The following RUNDC3B variants were observed in gnomAD, a reference collection of about 807,000 sequenced individuals.
The protein encoded by RUNDC3B is RUN domain-containing protein 3B.
In RUNDC3B, 33 loss-of-function variants were observed where a neutral mutation model predicts 58.4. The ratio of observed to expected loss-of-function variants is 0.56; its 90% CI spans 0.43 to 0.75. The LOEUF (loss-of-function observed/expected upper bound fraction) is 0.75, where lower values mean the gene tolerates loss of function less well. RUNDC3B is among the 30% of genes least tolerant of loss of function. RUNDC3B has a pLI of 0.00. For synonymous variants in RUNDC3B, 193 were observed against 195.2 expected (o/e 0.99, Z 0.10); for missense variants, 501 against 535.7 (o/e 0.94, Z 0.64).
chr7:87,747,370 C>T (rs567977034), intron 6 of RUNDC3B, among the ~76,000 whole-genome samples: 28 of 151,990 alleles, frequency 1.8e-4, no homozygotes, highest in East Asian at 5.8e-4. Flanking sequence ...CCTGTTCTGG[C>T]GGAGGTAGCA....
At chr7:87,739,720 TA>T in intron 4 of RUNDC3B, 70 bp from the exon 5 acceptor site, 2 of 683,752 alleles carry the variant, frequency 2.9e-6, no homozygotes, top group Non-Finnish European at 2.5e-6. Context: ...GTTTGGGCTC[TA>T]AATGATTTCT....
chr7:87,754,540 C>T (rs781113286), intron 6 of RUNDC3B, among the ~76,000 whole-genome samples: 2 of 152,050 alleles, frequency 1.3e-5, no homozygotes, highest in Non-Finnish European at 2.9e-5. Flanking sequence ...ATTAAAGAAG[C>T]AAGAACAAAT....
intron 6 of RUNDC3B, among the ~76,000 whole-genome samples, chr7:87,756,911 A>G (rs1833405661): frequency 2.0e-5 from 3 of 152,238 alleles, no homozygotes; most frequent in Non-Finnish European, 1.5e-5. Flanking sequence ...TCTCACCTCC[A>G]ATCCCCAGAC....
At chr7:87,826,985 C>G (rs1022589213) in intron 10 of RUNDC3B, among the ~76,000 whole-genome samples, 2 of 152,072 alleles carry the variant, frequency 1.3e-5, no homozygotes, top group African/African-American at 4.8e-5. Flanking sequence ...AATATGTCAT[C>G]TAGAAAGAGA....
intron 4 of RUNDC3B, among the ~76,000 whole-genome samples, chr7:87,732,592 G>C (rs1481234249): frequency 6.6e-6 from 1 of 152,170 alleles, no homozygotes; most frequent in Non-Finnish European, 1.5e-5. Context: ...AGGCAGATCA[G>C]CAGATTGAGA....
At chr7:87,797,712 T>C (rs1835891049) in intron 8 of RUNDC3B, among the ~76,000 whole-genome samples, 1 of 152,222 alleles carries the variant, frequency 6.6e-6, no homozygotes, top group African/African-American at 2.4e-5. Context: ...TCAGTTCTTA[T>C]GGAATATTGT....
At chr7:87,711,306 A>G (rs1442445931) in intron 4 of RUNDC3B, among the ~76,000 whole-genome samples, 1 of 152,104 alleles carries the variant, frequency 6.6e-6, no homozygotes, top group Non-Finnish European at 1.5e-5. Context: ...AGCCTGAGCA[A>G]CAAGAGAGAA....
intron 4 of RUNDC3B, among the ~76,000 whole-genome samples, chr7:87,726,896 A>G (rs1182557943): frequency 1.3e-5 from 2 of 151,358 alleles, no homozygotes; most frequent in African/African-American, 2.4e-5. Context: ...TTTGTCTGTT[A>G]TTGGTGTATA....
chr7:87,772,455 T>C (rs1024263765), intron 7 of RUNDC3B, among the ~76,000 whole-genome samples: 2 of 152,172 alleles, frequency 1.3e-5, no homozygotes, highest in African/African-American at 2.4e-5. Flanking sequence ...AGAACATAGA[T>C]AATAGTTAAA....
At chr7:87,760,671 C>T (rs1833629600) in intron 6 of RUNDC3B, among the ~76,000 whole-genome samples, 1 of 151,900 alleles carries the variant, frequency 6.6e-6, no homozygotes, top group Non-Finnish European at 1.5e-5. Flanking sequence ...GGAAATAAAC[C>T]CATACATTTG....
intron 9 of RUNDC3B, among the ~76,000 whole-genome samples, chr7:87,813,541 G>T (rs1389598978): frequency 6.6e-6 from 1 of 151,990 alleles, no homozygotes; most frequent in East Asian, 1.9e-4. Flanking sequence ...TGAAAAATCA[G>T]TGTCAGAAAC....
At chr7:87,679,837 A>C (rs1196076346) in intron 2 of RUNDC3B, among the ~76,000 whole-genome samples, 3 of 150,834 alleles carry the variant, frequency 2.0e-5, no homozygotes, top group African/African-American at 7.4e-5. Context: ...AATCATATAA[A>C]GTATGTTCTC....
At position 87,676,009 on chromosome 7, in the gene RUNDC3B, G is replaced by A. The variant is rs181962617; in HGVS notation, c.239-24412G>A. 2.4e-3 allele frequency among the ~76,000 whole-genome samples: 361 copies of A among 152,252 alleles called. 2 individuals carry two copies. Among genetic ancestry groups the A allele is most frequent in the African/African-American group, 8.1e-3 (338 of 41,542 alleles). On this transcript the variant is annotated intron_variant, in intron 2 of 10. Transcript: ENST00000394654. ...ACACTGGAGGATTGCTTGAGGTCAG[G>A]AGTGCCAGGACTTTGAGATCTACCT... is the stretch of plus-strand genomic sequence containing the variant.
At chr7:87,742,951 A>C (rs1467581160) in intron 6 of RUNDC3B, among the ~76,000 whole-genome samples, 1 of 152,074 alleles carries the variant, frequency 6.6e-6, no homozygotes, top group Non-Finnish European at 1.5e-5. Context: ...GTCTCTACTA[A>C]AAATACAAAA....
chr7:87,710,579 TG>T lies in RUNDC3B; in HGVS notation c.384del (p.Trp128Ter). The T allele has an allele frequency of 6.3e-7, 1 of 1,579,290 alleles. No homozygotes were observed. The highest frequency in any genetic ancestry group is 1.2e-5 in the South Asian group (1 of 85,926). ...TTCTTCTTCCTTTTAGGGTAGAGCC[TG>T]GATCAGAGTAGCACTCATGGAAAAA... ...VSSSRAKGRA[W>X]IRVALMEKHL... On this transcript the variant is annotated frameshift_variant, in exon 4 of 11. Coordinates refer to ENST00000394654, the MANE Select transcript of RUNDC3B (RefSeq NM_001134405.2). LOFTEE classifies it high-confidence loss of function.
At chr7:87,785,859 C>T (rs1476935843) in intron 8 of RUNDC3B, among the ~76,000 whole-genome samples, 2 of 152,152 alleles carry the variant, frequency 1.3e-5, no homozygotes, top group African/African-American at 4.8e-5. Context: ...TGGGCAATTC[C>T]TTTGCCAACT....
At chr7:87,704,964 A>G (rs1248832689) in intron 3 of RUNDC3B, among the ~76,000 whole-genome samples, 1 of 152,240 alleles carries the variant, frequency 6.6e-6, no homozygotes, top group Admixed American at 6.5e-5. Context: ...GCCTTGACAC[A>G]TGTGAAAAGA....
intron 1 of RUNDC3B, among the ~76,000 whole-genome samples, chr7:87,638,388 C>A (rs1210796132): frequency 1.4e-5 from 2 of 141,780 alleles, no homozygotes; most frequent in Non-Finnish European, 3.0e-5. Flanking sequence ...TGTTTCCTCC[C>A]CTGTTCTGTA....
Position 87,703,885 on chromosome 7 carries a change from C to CTTTTTTTTTTTTTTTTTTTTTTTTTTT in RUNDC3B, c.372+3332_372+3358dup. On this transcript the variant is annotated intron_variant, in intron 3 of 10. Transcript: ENST00000394654. Reference sequence around the variant, plus strand: ...CTTAGGTGAGCTTTATCAGTTTTTTCTTTTTTTTTTTTTTTTTTTTTTTTT... The same window carrying CTTTTTTTTTTTTTTTTTTTTTTTTTTT: ...CTTAGGTGAGCTTTATCAGTTTTTTCTTTTTTTTTTTTTTTTTTTTTTTTTTTTTTTTTTTTTTTTTTTTTTTTTTTT... 8.6e-4 allele frequency among the ~76,000 whole-genome samples: 52 copies of CTTTTTTTTTTTTTTTTTTTTTTTTTTT among 60,294 alleles called. 2 individuals are homozygous for CTTTTTTTTTTTTTTTTTTTTTTTTTTT. Among genetic ancestry groups the CTTTTTTTTTTTTTTTTTTTTTTTTTTT allele is most frequent in the Admixed American group, 1.5e-3 (6 of 4,132 alleles). 39.6% of individuals were successfully genotyped at this position (60,294 alleles called of 152,430 possible).
Sources: allele counts gnomAD v4.1 joint callset (sites outside exome capture counted in the v4.1 genomes callset), GRCh38; gene constraint gnomAD v4.1.1; transcripts MANE v1.5; gene names NCBI Gene and HGNC (gene_info 2026-07-23, HGNC 2026-07-21).